TECR: variants seen among roughly 807,000 people sequenced by gnomAD.
The protein encoded by TECR is very-long-chain enoyl-CoA reductase.
A neutral mutation model predicts 50.6 loss-of-function variants in TECR; 19 were observed. That is an observed-to-expected ratio of 0.38 (90% CI 0.26 to 0.55). The LOEUF is 0.55. Ranked by LOEUF, TECR falls within the 20% of genes least tolerant of loss-of-function variation. TECR has a pLI of 0.79. For synonymous variants in TECR, 168 were observed against 163.5 expected (o/e 1.03, Z -0.21); for missense variants, 313 against 408.3 (o/e 0.77, Z 2.01).
chr19:14,539,970 C>G (rs2073039817), intron 1 of TECR, among the ~76,000 whole-genome samples: 1 of 151,972 alleles, frequency 6.6e-6, no homozygotes, highest in South Asian at 2.1e-4. Context: ...ACCTCCACCT[C>G]CCGGGTTCAA....
intron 1 of TECR, among the ~76,000 whole-genome samples, chr19:14,557,188 G>A (rs899270421): frequency 1.3e-5 from 2 of 151,326 alleles, no homozygotes; most frequent in African/African-American, 4.9e-5. Context: ...CGCCCAGGCT[G>A]GAGTGCAATG....
intron 1 of TECR, among the ~76,000 whole-genome samples, chr19:14,557,008 C>T (rs1024030505): frequency 1.3e-5 from 2 of 152,124 alleles, no homozygotes; most frequent in East Asian, 3.8e-4. Flanking sequence ...TGGATGGGCC[C>T]CTTCAAGAGC....
intron 1 of TECR, among the ~76,000 whole-genome samples, chr19:14,548,886 C>T (rs1000646195): frequency 6.6e-6 from 1 of 152,064 alleles, no homozygotes; most frequent in African/African-American, 2.4e-5. Flanking sequence ...TCTCAGACAT[C>T]TCAGCAGCAG....
rs1171274427 is a variant in TECR at position 14,563,919 on chromosome 19, AC to A, written c.267+19del. The A allele has an allele frequency of 6.2e-7, 1 of 1,613,618 alleles. No homozygotes were observed. Among genetic ancestry groups the A allele is most frequent in the African/African-American group, 1.3e-5 (1 of 74,790 alleles). On this transcript the variant is annotated intron_variant, in intron 5 of 12. Coordinates refer to ENST00000215567, the MANE Select transcript of TECR (RefSeq NM_138501.6). This position sits in a 1 kb window ranked among gnomAD's most constrained non-coding sequence, Gnocchi z 5.3. ...CTGGGTGACGGTGAGTCCTGACCCT[AC>A]CCACGGCCTCTTTTCCCGTCAGCCA...
At chr19:14,564,411 T>G in intron 7 of TECR, 124 bp downstream of exon 7, 1 of 745,512 alleles carries the variant, frequency 1.3e-6, no homozygotes, top group Non-Finnish European at 2.1e-6. Context: ...GCCCTACCCC[T>G]AGGCCCCGCC....
intron 1 of TECR, among the ~76,000 whole-genome samples, chr19:14,544,162 G>A (rs749111659): frequency 1.5e-4 from 23 of 151,958 alleles, no homozygotes; most frequent in Non-Finnish European, 3.2e-4. Context: ...TGTGGTCTTG[G>A]TCTGAATGTG....
At chr19:14,553,198 G>C (rs975560237) in intron 1 of TECR, among the ~76,000 whole-genome samples, 1 of 152,150 alleles carries the variant, frequency 6.6e-6, no homozygotes, top group African/African-American at 2.4e-5. Context: ...CTCGCTCGGG[G>C]CTCTGCTGGA....
chr19:14,535,304 G>T (rs2072821886), intron 1 of TECR, among the ~76,000 whole-genome samples: 1 of 150,986 alleles, frequency 6.6e-6, no homozygotes, highest in Non-Finnish European at 1.5e-5. Flanking sequence ...CCAGGAGATC[G>T]AGACCATCCT....
At chr19:14,529,831 G>C in intron 1 of TECR, 120 bp downstream of exon 1, 1 of 1,408,794 alleles carries the variant, frequency 7.1e-7, no homozygotes, top group African/African-American at 1.4e-5. Context: ...AGACGGCGCA[G>C]GCGCAGTGGG....
At chr19:14,538,071 T>C (rs1411181836) in intron 1 of TECR, among the ~76,000 whole-genome samples, 1 of 152,174 alleles carries the variant, frequency 6.6e-6, no homozygotes, top group Non-Finnish European at 1.5e-5. Context: ...TCTAGTAACA[T>C]ATCTAAATCG....
chr19:14,540,394 A>T (rs1430964144), intron 1 of TECR, among the ~76,000 whole-genome samples: 3 of 150,102 alleles, frequency 2.0e-5, no homozygotes, highest in East Asian at 2.0e-4. Flanking sequence ...TTTATTTATT[A>T]AAAAATGTGT....
At position 14,556,869 on chromosome 19, in the gene TECR, A is replaced by G. The variant is rs566036428; in HGVS notation, c.16-5656A>G. 1.6e-3 allele frequency among the ~76,000 whole-genome samples: 248 copies of G among 152,260 alleles called. 2 individuals carry two copies. Among genetic ancestry groups the G allele is most frequent in the African/African-American group, 4.4e-3 (183 of 41,552 alleles). ...GTCGCAGCCTCCGCCGCTTGCAGCC[A>G]GTCATCCCGGTGGTGACGGGTCAGC... is the stretch of plus-strand genomic sequence containing the variant. On this transcript the variant is annotated intron_variant, in intron 1 of 12. Transcript: ENST00000215567.
chr19:14,550,394 A>T (rs1388749880), intron 1 of TECR, among the ~76,000 whole-genome samples: 1 of 151,922 alleles, frequency 6.6e-6, no homozygotes, highest in Admixed American at 6.6e-5. Context: ...TGTCTGCTGG[A>T]CTCGGGCAGT....
chr19:14,533,465 A>G (rs1346912705), intron 1 of TECR, among the ~76,000 whole-genome samples: 4 of 152,068 alleles, frequency 2.6e-5, no homozygotes, highest in Admixed American at 2.6e-4. Flanking sequence ...GACTAAATCC[A>G]TCTTCCCACC....
intron 1 of TECR, among the ~76,000 whole-genome samples, chr19:14,551,946 CCTCT>C (rs71166756): frequency 0.017 from 1,200 of 71,208 alleles, 27 homozygotes; most frequent in Middle Eastern, 0.029. Context: ...TCCCTCCCTC[CCTCT>C]CTCTCTCTCT....
At chr19:14,562,397 TG>T in intron 1 of TECR, 127 bp from the exon 2 acceptor site, 2 of 962,702 alleles carry the variant, frequency 2.1e-6, no homozygotes, top group Non-Finnish European at 3.3e-6. Flanking sequence ...GCAGGCGGCA[TG>T]GACTTGAACT....
At chr19:14,534,883 C>T (rs1023567541) in intron 1 of TECR, among the ~76,000 whole-genome samples, 2 of 152,208 alleles carry the variant, frequency 1.3e-5, no homozygotes, top group African/African-American at 4.8e-5. Context: ...TTGTCAGACT[C>T]CAGTTTTGTC....
chr19:14,555,912 C>T (rs1038996997), intron 1 of TECR, among the ~76,000 whole-genome samples: 25 of 152,296 alleles, frequency 1.6e-4, no homozygotes, highest in South Asian at 4.1e-4. Flanking sequence ...ATAGCTCCCT[C>T]TTTGCTCCCA....
intron 1 of TECR, among the ~76,000 whole-genome samples, chr19:14,543,441 T>A (rs1311367797): frequency 0.019 from 981 of 51,228 alleles, 48 homozygotes; most frequent in Non-Finnish European, 0.036. Flanking sequence ...TTTTTTTTTT[T>A]TTTTTTTTTT....
Sources: allele counts gnomAD v4.1 joint callset (sites outside exome capture counted in the v4.1 genomes callset), GRCh38; gene constraint gnomAD v4.1.1; non-coding constraint Gnocchi (gnomAD v3.1); transcripts MANE v1.5; gene names NCBI Gene and HGNC (gene_info 2026-07-23, HGNC 2026-07-21).